CARD19: variants seen among roughly 807,000 people sequenced by gnomAD.
The protein encoded by CARD19 is caspase recruitment domain-containing protein 19.
In CARD19, 25 loss-of-function variants were observed where a neutral mutation model predicts 24.1. The observed-to-expected ratio is 1.04, with a 90% confidence interval of 0.76 to 1.45. The LOEUF is 1.45. Among genes scored for constraint, CARD19 ranks in the 40% most tolerant of loss-of-function variants. The probability of loss-of-function intolerance (pLI) is 0.00; values close to 1 mark genes in which losing one functional copy is unlikely to be tolerated. For synonymous variants in CARD19, 103 were observed against 104.9 expected (o/e 0.98, Z 0.11); for missense variants, 241 against 247.4 (o/e 0.97, Z 0.17).
rs971905094 is a variant in CARD19, at chr9:93,096,570, G to A, written c.7+218G>A. ...CCGGCGGGGCCGTGCCAGCCGAGGC[G>A]GTGCCGGGCATGATGGGTGGTGGCC... On this transcript the variant is annotated intron_variant, in intron 1 of 5. Coordinates refer to ENST00000375464, the MANE Select transcript of CARD19 (RefSeq NM_032310.5). The surrounding 1 kb of genome is among the most constrained non-coding windows in gnomAD (Gnocchi z 5.4). Among the ~76,000 whole-genome samples, 9 of 152,184 alleles carry A rather than the reference G, an allele frequency of 5.9e-5. No homozygotes were observed. In the South Asian group the frequency reaches 1.9e-3, roughly 32 times the overall value.
At chr9:93,100,804 T>C (rs955529121) in intron 1 of CARD19, among the ~76,000 whole-genome samples, 5 of 152,248 alleles carry the variant, frequency 3.3e-5, no homozygotes, top group Non-Finnish European at 7.3e-5. Context: ...CTTCATATAA[T>C]TGGAATCATA....
intron 3 of CARD19, chr9:93,111,415 C>T (rs760785520): frequency 1.6e-5 from 17 of 1,084,544 alleles, no homozygotes; most frequent in South Asian, 2.5e-5. Flanking sequence ...GGCCCTTAGA[C>T]AACAGGACAG....
chr9:93,112,257 G>C lies in CARD19; in HGVS notation c.404G>C (p.Gly135Ala). 1 of 1,544,896 alleles carries C rather than the reference G, an allele frequency of 6.5e-7. No homozygotes were observed. The highest frequency in any genetic ancestry group is 1.2e-5 in the South Asian group (1 of 84,018). The change falls in exon 5 of 6, where the codon GGA (glycine) becomes GCA (alanine). Residue 135 changes from glycine to alanine, a missense_variant. Coordinates refer to ENST00000375464, the MANE Select transcript of CARD19 (RefSeq NM_032310.5). ...CTGGCTGGCCTGGGCCTTGCTGTGG[G>C]ACTGGCCCTGCTCCTGTACTGCTAT... Reference protein sequence around the residue: ...SFLAGLGLAVGLALLLYCYPP... With the variant: ...SFLAGLGLAVALALLLYCYPP...
At position 93,111,771 on chromosome 9, in the gene CARD19, G is replaced by T. The variant is rs1176383823; in HGVS notation, c.305-108G>T. On this transcript the variant is annotated intron_variant, in intron 3 of 5. Transcript: ENST00000375464. ...GCCTCAGGTGCCACAGCCTGGTTCG[G>T]CCTGGCGGCCCCAGGAGGCAGCAGC... The T allele has an allele frequency of 3.3e-6, 5 of 1,522,762 alleles. No homozygotes were observed. The East Asian group carries it at 7.3e-5, about 22-fold the overall frequency. 94.3% of individuals were successfully genotyped at this position (1,522,762 alleles called of 1,614,324 possible). A position where few individuals can be genotyped will look rare whatever the true frequency, so the allele number is the denominator to read the frequency against.
At chr9:93,111,256 T>C in intron 3 of CARD19, 1 of 1,165,960 alleles carries the variant, frequency 8.6e-7, no homozygotes, top group South Asian at 1.7e-5. Context: ...CCTCAGGCAG[T>C]GTGGACTCAG....
intron 1 of CARD19, among the ~76,000 whole-genome samples, chr9:93,099,928 A>G (rs1389419189): frequency 6.6e-6 from 1 of 152,056 alleles, no homozygotes; most frequent in African/African-American, 2.4e-5. Context: ...TGGCCCCCCT[A>G]TTGTTCTCTG....
intron 3 of CARD19, chr9:93,111,365 T>G: frequency 7.2e-6 from 8 of 1,103,630 alleles, no homozygotes; most frequent in Non-Finnish European, 8.9e-6. Flanking sequence ...ATCTGACGCC[T>G]CTGTGCTCAG....
At chr9:93,099,626 A>C (rs929442887) in intron 1 of CARD19, among the ~76,000 whole-genome samples, 16 of 152,212 alleles carry the variant, frequency 1.1e-4, no homozygotes, top group African/African-American at 3.6e-4. Context: ...AATTCATCTT[A>C]GTTCTTTAAC....
intron 3 of CARD19, chr9:93,111,511 C>T: frequency 2.6e-6 from 3 of 1,137,976 alleles, no homozygotes; most frequent in Non-Finnish European, 3.3e-6. Flanking sequence ...TCACAGAACA[C>T]AGTGCAGACG....
chr9:93,112,806 G>A (rs539036428), intron 5 of CARD19, among the ~76,000 whole-genome samples, 186 bp from the exon 6 acceptor site: 4 of 152,336 alleles, frequency 2.6e-5, no homozygotes, highest in African/African-American at 9.6e-5. Flanking sequence ...TGGGTCACTC[G>A]GGTGGGAGCT....
intron 1 of CARD19, among the ~76,000 whole-genome samples, chr9:93,100,971 C>T (rs186083206): frequency 2.6e-5 from 4 of 152,242 alleles, no homozygotes; most frequent in East Asian, 1.9e-4. Flanking sequence ...ATAATTCATT[C>T]GTCTTTTGGT....
chr9:93,099,842 G>A (rs1343536744), intron 1 of CARD19, among the ~76,000 whole-genome samples: 10 of 152,270 alleles, frequency 6.6e-5, no homozygotes, highest in African/African-American at 2.4e-4. Context: ...GCGGCCCACG[G>A]TGAGTGGCTT....
At chr9:93,104,491 G>C (rs1237058081) in intron 1 of CARD19, among the ~76,000 whole-genome samples, 1 of 152,072 alleles carries the variant, frequency 6.6e-6, no homozygotes, top group Non-Finnish European at 1.5e-5. Flanking sequence ...AGAAGGATTG[G>C]TATTAGTTCT....
chr9:93,111,166 C>T (rs568335972), intron 3 of CARD19: 108 of 1,202,310 alleles, frequency 9.0e-5, no homozygotes, highest in Non-Finnish European at 1.0e-4. Flanking sequence ...GATCTGCACA[C>T]GTGTGGGTGT....
chr9:93,108,405 C>T (rs925785164), intron 2 of CARD19, among the ~76,000 whole-genome samples: 1 of 152,166 alleles, frequency 6.6e-6, no homozygotes, highest in African/African-American at 2.4e-5. Flanking sequence ...CAGATGCTGA[C>T]TCACCCCACA....
intron 1 of CARD19, among the ~76,000 whole-genome samples, chr9:93,097,852 C>T (rs1826937919): frequency 6.6e-6 from 1 of 152,390 alleles, no homozygotes; most frequent in South Asian, 2.1e-4. Context: ...TGCTTCCTAC[C>T]TGCTATGTCT....
chr9:93,096,239 C>T lies in CARD19; in HGVS notation c.-107C>T. On this transcript the variant is annotated 5_prime_UTR_variant, in exon 1 of 6. Transcript: ENST00000375464. The surrounding 1 kb of genome is among the most constrained non-coding windows in gnomAD (Gnocchi z 5.4). ...AGCCAAAAGGGGCGGGCGAGCACGG[C>T]CCGCGGGCGGCGTTCGCTGGAGCTG... 1.7e-6 allele frequency: 2 copies of T among 1,156,074 alleles called. No individual in the cohort carries two copies. Among genetic ancestry groups the T allele is most frequent in the Non-Finnish European group, 2.2e-6 (2 of 922,194 alleles). 71.6% of individuals were successfully genotyped at this position (1,156,074 alleles called of 1,614,324 possible). A position where few individuals can be genotyped will look rare whatever the true frequency, so the allele number is the denominator to read the frequency against.
intron 2 of CARD19, chr9:93,109,220 T>G (rs1235038263): frequency 6.6e-6 from 1 of 152,216 alleles, no homozygotes; most frequent in Admixed American, 6.5e-5. Context: ...TTTAAGACGT[T>G]TATACAAGAA....
chr9:93,111,759 C>T, intron 3 of CARD19, 120 bp from the exon 4 acceptor site: 1 of 1,505,466 alleles, frequency 6.6e-7, no homozygotes, highest in Non-Finnish European at 8.9e-7. Flanking sequence ...TCAGGTGCCA[C>T]AGCCTGGTTC....
Sources: gnomAD v4.1 joint callset for allele counts (sites outside exome capture counted in the v4.1 genomes callset) on GRCh38, gnomAD v4.1.1 for gene constraint, Gnocchi (gnomAD v3.1) non-coding constraint, MANE v1.5 for transcripts, NCBI Gene and HGNC (gene_info 2026-07-23, HGNC 2026-07-21) for gene names.